SUN3: variants seen among roughly 807,000 people sequenced by gnomAD.
SUN3 encodes the protein SUN domain-containing protein 3.
SUN3 carries 36 observed loss-of-function variants against 48.2 expected under a neutral mutation model. The observed-to-expected ratio is 0.75, with a 90% CI of 0.57 to 0.99. The LOEUF (loss-of-function observed/expected upper bound fraction) is 0.99, where lower values mean the gene tolerates loss of function less well. Ranked by LOEUF, SUN3 falls within the 50% of genes least tolerant of loss-of-function variation. The pLI is 0.00. For missense variants in SUN3, 419 were observed against 433.1 expected, an observed-to-expected ratio of 0.97 and a Z score of 0.29; for synonymous variants, 148 against 147.9, an observed-to-expected ratio of 1.00 and a Z score of 0.00.
intron 6 of SUN3, chr7:48,000,042 T>C (rs927461540): frequency 6.6e-6 from 1 of 152,264 alleles, no homozygotes; most frequent in Non-Finnish European, 1.5e-5. Flanking sequence ...TCTACATATA[T>C]TAGCCCTCCA....
At chr7:47,988,451 T>C (rs1788959717) in intron 9 of SUN3, among the ~76,000 whole-genome samples, 1 of 152,098 alleles carries the variant, frequency 6.6e-6, no homozygotes, top group Non-Finnish European at 1.5e-5. Flanking sequence ...ATCATCTTCC[T>C]CCCCTATACT....
At chr7:48,001,758 G>A (rs185242369) in intron 6 of SUN3, among the ~76,000 whole-genome samples, 3,817 of 151,994 alleles carry the variant, frequency 0.025, 157 homozygotes, top group African/African-American at 0.087. Flanking sequence ...GGATGGTCTC[G>A]ATCTCCTGAC....
chr7:48,000,267 A>T (rs924569583), intron 6 of SUN3: 37 of 152,246 alleles, frequency 2.4e-4, no homozygotes, highest in African/African-American at 8.9e-4. Context: ...CCTCCGGAGT[A>T]GCTGGAATTA....
intron 6 of SUN3, among the ~76,000 whole-genome samples, chr7:48,005,157 A>G (rs1007790393): frequency 1.3e-5 from 2 of 152,380 alleles, no homozygotes; most frequent in South Asian, 4.1e-4. Flanking sequence ...AAAGTGTATC[A>G]GAATGCCAAG....
At position 47,987,443 on chromosome 7, in the gene SUN3, C is replaced by A; in HGVS notation, c.961G>T (p.Val321Phe). 6.4e-7 allele frequency: 1 copy of A among 1,559,056 alleles called. No individual in the cohort carries two copies. The highest frequency in any genetic ancestry group is 8.7e-7 in the Non-Finnish European group (1 of 1,155,288). Reference sequence around the variant, plus strand: ...TTCACACATAATAAATATTCAGAAACTGCATGCTGAAAATAAAGAAAAGAA... The same window carrying A: ...TTCACACATAATAAATATTCAGAAAATGCATGCTGAAAATAAAGAAAAGAA... ...TVQTFELQHAVSEYLLCVKLN... is the reference protein window; with the variant it reads ...TVQTFELQHAFSEYLLCVKLN... The change falls in exon 10 of 10, where the codon GTT becomes TTT. Residue 321 changes from valine to phenylalanine, a missense_variant. Val to Phe is a conservative substitution (Grantham distance 50). Transcript: ENST00000297325.
intron 3 of SUN3, among the ~76,000 whole-genome samples, chr7:48,015,807 T>C (rs1267815950): frequency 6.6e-6 from 1 of 152,202 alleles, no homozygotes; most frequent in African/African-American, 2.4e-5. Flanking sequence ...TTCTAACTTT[T>C]AAGCTGTCCT....
chr7:48,027,720 A>AT (rs1222051274), intron 1 of SUN3, among the ~76,000 whole-genome samples: 1 of 152,224 alleles, frequency 6.6e-6, no homozygotes, highest in Non-Finnish European at 1.5e-5. Flanking sequence ...AGTCATACCT[A>AT]TTAGCCATCC....
intron 3 of SUN3, among the ~76,000 whole-genome samples, chr7:48,015,159 T>G (rs1223765838): frequency 6.6e-6 from 1 of 152,226 alleles, no homozygotes; most frequent in South Asian, 2.1e-4. Flanking sequence ...GGAGCCACCA[T>G]GACCACTCTG....
At chr7:47,988,747 G>C (rs907146662) in intron 9 of SUN3, 41 bp downstream of exon 9, 13 of 1,266,420 alleles carry the variant, frequency 1.0e-5, no homozygotes, top group Non-Finnish European at 1.3e-5. Flanking sequence ...ATTTCTCCCA[G>C]TGATAGAGCT....
At chr7:48,031,832 GCACACACA>G (rs3073706), upstream of SUN3, among the ~76,000 whole-genome samples, 34 of 142,372 alleles carry the variant, frequency 2.4e-4, no homozygotes, top group Middle Eastern at 3.6e-3. Context: ...TGTGATTTAT[GCACACACA>G]CACACACACA....
chr7:48,034,843 TA>T, the SUN3 span, among the ~76,000 whole-genome samples: 21 of 152,212 alleles, frequency 1.4e-4, no homozygotes, highest in Non-Finnish European at 8.8e-5. Flanking sequence ...TTAAGAGCTT[TA>T]AAAAAAGTCT....
At chr7:47,995,039 G>T (rs372742509) in intron 7 of SUN3, among the ~76,000 whole-genome samples, 1 of 152,148 alleles carries the variant, frequency 6.6e-6, no homozygotes, top group African/African-American at 2.4e-5. Flanking sequence ...ACCTAAAAAG[G>T]TGGTGGTAGA....
chr7:47,996,325 T>A (rs940907820), intron 6 of SUN3, among the ~76,000 whole-genome samples, 179 bp from the exon 7 acceptor site: 6 of 152,234 alleles, frequency 3.9e-5, no homozygotes, highest in African/African-American at 1.4e-4. Context: ...TGAAATTTTG[T>A]CATTTTGAAG....
chr7:48,007,116 C>T (rs757742306), intron 5 of SUN3, 49 bp downstream of exon 5: 24 of 1,568,772 alleles, frequency 1.5e-5, no homozygotes, highest in Middle Eastern at 3.8e-4. Context: ...TGGACATCCG[C>T]GCTAACCACC....
intron 3 of SUN3, among the ~76,000 whole-genome samples, chr7:48,010,618 G>C (rs974322294): frequency 1.3e-5 from 2 of 152,150 alleles, no homozygotes; most frequent in African/African-American, 4.8e-5. Flanking sequence ...TCCCGCAGCA[G>C]TCTCCAGAAA....
chr7:48,006,891 ATTTCTTTC>A (rs146559377), intron 5 of SUN3, among the ~76,000 whole-genome samples: 5 of 151,960 alleles, frequency 3.3e-5, no homozygotes, highest in Admixed American at 6.6e-5. Flanking sequence ...AGAGACTGTT[ATTTCTTTC>A]TTTCTTTCTT....
chr7:48,009,127 G>T (rs183754104), intron 3 of SUN3, 52 bp from the exon 4 acceptor site: 3 of 1,547,892 alleles, frequency 1.9e-6, no homozygotes, highest in South Asian at 2.4e-5. Context: ...TATTCAAATA[G>T]AGTCTTTTTT....
chr7:48,017,716 G>T (rs1246448937), intron 2 of SUN3, among the ~76,000 whole-genome samples: 1 of 152,150 alleles, frequency 6.6e-6, no homozygotes, highest in African/African-American at 2.4e-5. Flanking sequence ...CAACCTGGTG[G>T]TGGCAGCTAT....
At chr7:48,005,005 A>G (rs1339663546) in intron 6 of SUN3, among the ~76,000 whole-genome samples, 1 of 152,230 alleles carries the variant, frequency 6.6e-6, no homozygotes, top group Non-Finnish European at 1.5e-5. Context: ...ATGGCTACAG[A>G]GAAGCCCGAG....
Sources: allele counts gnomAD v4.1 joint callset (sites outside exome capture counted in the v4.1 genomes callset), GRCh38; gene constraint gnomAD v4.1.1; transcripts MANE v1.5; gene names NCBI Gene and HGNC (gene_info 2026-07-23, HGNC 2026-07-21).